Variants in NELL1 observed in about 807,000 individuals in gnomAD.
The protein encoded by NELL1 is neural EGFL like 1, also known as protein kinase C-binding protein NELL1.
In NELL1, 76 loss-of-function variants were observed where a neutral mutation model predicts 107.4. The ratio of observed to expected loss-of-function variants is 0.71; its 90% CI spans 0.59 to 0.86. The LOEUF is 0.86. NELL1 is among the 40% of genes least tolerant of loss of function. NELL1 has a pLI of 0.00. For missense variants in NELL1, 1,024 were observed against 1,005.5 expected (o/e 1.02, Z -0.25); for synonymous variants, 353 against 341.2 (o/e 1.03, Z -0.38).
chr11:21,055,698 G>A (rs796955726), intron 12 of NELL1, among the ~76,000 whole-genome samples: 2 of 152,090 alleles, frequency 1.3e-5, no homozygotes, highest in South Asian at 4.1e-4. Flanking sequence ...GGAGGGATTG[G>A]TTAAACATGG....
chr11:20,693,740 T>C (rs1225777268), intron 2 of NELL1, among the ~76,000 whole-genome samples: 1 of 151,956 alleles, frequency 6.6e-6, no homozygotes, highest in Non-Finnish European at 1.5e-5. Context: ...ATTTCAACTT[T>C]GGTGAATCTG....
chr11:20,883,473 G>T (rs1169117520), intron 4 of NELL1, among the ~76,000 whole-genome samples: 1 of 152,078 alleles, frequency 6.6e-6, no homozygotes, highest in Non-Finnish European at 1.5e-5. Context: ...CTTTTGAATC[G>T]AAAGCTCGTC....
intron 9 of NELL1, 27 bp downstream of exon 9, chr11:20,928,506 G>C: frequency 6.5e-7 from 1 of 1,540,728 alleles, no homozygotes; most frequent in Middle Eastern, 1.7e-4. Context: ...GGTCAGACTG[G>C]CTGTCTGTGT....
At chr11:21,261,516 T>G (rs951249681) in intron 14 of NELL1, among the ~76,000 whole-genome samples, 1 of 151,442 alleles carries the variant, frequency 6.6e-6, no homozygotes, top group African/African-American at 2.4e-5. Context: ...CTGTTCAAAT[T>G]GCATATATTT....
intron 4 of NELL1, among the ~76,000 whole-genome samples, chr11:20,867,817 A>T (rs1398058647): frequency 2.6e-5 from 4 of 152,210 alleles, no homozygotes; most frequent in Non-Finnish European, 5.9e-5. Context: ...TTGGATACAG[A>T]GGAGCAACCA....
At chr11:20,982,752 T>A (rs910977280) in intron 12 of NELL1, among the ~76,000 whole-genome samples, 4 of 152,228 alleles carry the variant, frequency 2.6e-5, no homozygotes, top group Non-Finnish European at 5.9e-5. Context: ...GTTGTAAAAG[T>A]GCCCTGGGAG....
At chr11:21,180,751 A>G (rs1451817588) in intron 13 of NELL1, among the ~76,000 whole-genome samples, 1 of 151,504 alleles carries the variant, frequency 6.6e-6, no homozygotes, top group Non-Finnish European at 1.5e-5. Flanking sequence ...TACTGGGGCA[A>G]GGTTTAGGGG....
At chr11:21,392,635 A>AT (rs1274186631) in intron 15 of NELL1, among the ~76,000 whole-genome samples, 2 of 151,780 alleles carry the variant, frequency 1.3e-5, no homozygotes, top group Non-Finnish European at 2.9e-5. Context: ...TTTCCCATAG[A>AT]TAAAAAGTCA....
intron 15 of NELL1, among the ~76,000 whole-genome samples, chr11:21,374,531 G>A (rs1031650569): frequency 2.9e-4 from 44 of 151,972 alleles, no homozygotes; most frequent in African/African-American, 1.0e-3. Context: ...TGCTGTTCAC[G>A]TTGGCCACGT....
intron 3 of NELL1, among the ~76,000 whole-genome samples, chr11:20,798,360 A>C (rs1857216103): frequency 6.6e-6 from 1 of 152,214 alleles, no homozygotes; most frequent in Non-Finnish European, 1.5e-5. Context: ...GTATATGTGC[A>C]TGTTAGATTT....
chr11:21,196,885 T>C (rs1857165701), intron 13 of NELL1, among the ~76,000 whole-genome samples: 2 of 124,132 alleles, frequency 1.6e-5, no homozygotes, highest in African/African-American at 6.3e-5. Flanking sequence ...TTTCTTTTCT[T>C]TTTTTTTTTT....
chr11:21,087,752 GT>G (rs1182735281), intron 12 of NELL1, among the ~76,000 whole-genome samples: 2 of 152,096 alleles, frequency 1.3e-5, no homozygotes, highest in Non-Finnish European at 2.9e-5. Context: ...CCTCCTGACG[GT>G]TTTTTAAAAA....
At chr11:21,218,548 G>C (rs558716461) in intron 13 of NELL1, among the ~76,000 whole-genome samples, 70 of 152,158 alleles carry the variant, frequency 4.6e-4, no homozygotes, top group Middle Eastern at 3.4e-3. Context: ...TACCCCAGGG[G>C]TAACCATAAT....
At position 20,669,645 on chromosome 11, in the gene NELL1, CA is replaced by C; in HGVS notation, c.-78del. ...GCTAGCAAGTTTGGCGGCTCCAAGC[CA>C]GGCGCGCCTCAGGATCCAGGCTCAT... On this transcript the variant is annotated 5_prime_UTR_variant, in exon 1 of 20. Transcript: ENST00000357134. This position sits in a 1 kb window ranked among gnomAD's most constrained non-coding sequence, Gnocchi z 4.4. 2.3e-6 allele frequency: 3 copies of C among 1,303,820 alleles called. No homozygotes were observed. The highest frequency in any genetic ancestry group is 2.2e-6 in the Non-Finnish European group (2 of 907,816). 80.8% of individuals were successfully genotyped at this position (1,303,820 alleles called of 1,614,324 possible).
intron 5 of NELL1, among the ~76,000 whole-genome samples, chr11:20,906,568 C>G (rs931359690): frequency 3.0e-4 from 46 of 152,022 alleles, no homozygotes; most frequent in African/African-American, 1.1e-3. Context: ...ACCAGTATCT[C>G]TTATGAATGT....
At chr11:20,991,990 G>GTAAAAA (rs769434874) in intron 12 of NELL1, among the ~76,000 whole-genome samples, 1 of 66,234 alleles carries the variant, frequency 1.5e-5, no homozygotes, top group East Asian at 3.4e-4. Context: ...AGTGTAGCAT[G>GTAAAAA]CAAAAAAAAA....
chr11:20,722,973 G>C (rs1855426611), intron 2 of NELL1, among the ~76,000 whole-genome samples: 1 of 152,146 alleles, frequency 6.6e-6, no homozygotes, highest in South Asian at 2.1e-4. Context: ...CAGCAGGAGA[G>C]AGAGAGAATG....
chr11:20,877,716 G>T (rs1259039893), intron 4 of NELL1, among the ~76,000 whole-genome samples: 3 of 152,124 alleles, frequency 2.0e-5, no homozygotes, highest in Non-Finnish European at 4.4e-5. Context: ...TCTTTGCCTT[G>T]TCCTCTCAAG....
Position 21,292,825 on chromosome 11 carries a change from A to G in NELL1, c.1549+63371A>G, listed in dbSNP as rs940533631. Reference sequence around the variant, plus strand: ...ATTTTTGACAAACCTGACATAAGCCATGGGGAAAGGATTCCCTATTTAATA... The same window carrying G: ...ATTTTTGACAAACCTGACATAAGCCGTGGGGAAAGGATTCCCTATTTAATA... On this transcript the variant is annotated intron_variant, in intron 14 of 19. Transcript: ENST00000357134. Among the ~76,000 whole-genome samples the G allele has an allele frequency of 6.6e-5, 10 of 152,346 alleles. No homozygotes were observed. In the Middle Eastern group the frequency reaches 0.01, roughly 155 times the overall value.
Sources: allele counts gnomAD v4.1 joint callset (sites outside exome capture counted in the v4.1 genomes callset), GRCh38; gene constraint gnomAD v4.1.1; non-coding constraint Gnocchi (gnomAD v3.1); transcripts MANE v1.5; gene names NCBI Gene and HGNC (gene_info 2026-07-23, HGNC 2026-07-21).